Variants in NAALADL1 observed in about 807,000 individuals in gnomAD.
The protein encoded by NAALADL1 is aminopeptidase NAALADL1.
Under a neutral mutation model 82.8 loss-of-function variants are expected in NAALADL1, and 77 were observed. That is an observed-to-expected ratio of 0.93 (90% confidence interval 0.77 to 1.12). The LOEUF (loss-of-function observed/expected upper bound fraction) is 1.12. Ranked by LOEUF, NAALADL1 falls within the 50% of genes most tolerant of loss-of-function variation. The probability of loss-of-function intolerance (pLI) is 0.00; values close to 1 mark genes in which losing one functional copy is unlikely to be tolerated. For synonymous variants in NAALADL1, 358 were observed against 399.2 expected, an observed-to-expected ratio of 0.90 and a Z score of 1.23; for missense variants, 956 against 964.0, an observed-to-expected ratio of 0.99 and a Z score of 0.11.
At chr11:65,060,827 G>A (rs138759319), upstream of NAALADL1, among the ~76,000 whole-genome samples, 85 of 152,176 alleles carry the variant, frequency 5.6e-4, 1 homozygote, top group Middle Eastern at 6.8e-3. Flanking sequence ...AATAACTTAC[G>A]GTAGTTAGAG....
At position 65,057,895 on chromosome 11, in the gene NAALADL1, C is replaced by G. The variant is rs753057567; in HGVS notation, c.460G>C (p.Ala154Pro). 6.2e-7 allele frequency: 1 copy of G among 1,614,048 alleles called. No homozygotes were observed. Among genetic ancestry groups the G allele is most frequent in the Non-Finnish European group, 8.5e-7 (1 of 1,179,996 alleles). The change falls in exon 3 of 18, where the codon GCT becomes CCT. Residue 154 changes from alanine to proline, a missense_variant. By Grantham distance (27) the Ala-to-Pro change is conservative. Coordinates refer to ENST00000358658, the MANE Select transcript of NAALADL1 (RefSeq NM_005468.3). ...CCCACCTGTGGGGTTCCAGAAGGAG[C>G]ATAGGCAGCATAGGGTTGTACCACA... Reference protein sequence around the residue: ...PDVVQPYAAYAPSGTPQGLLV... With the variant: ...PDVVQPYAAYPPSGTPQGLLV...
chr11:65,054,263 A>G lies in NAALADL1; in HGVS notation c.979T>C (p.Phe327Leu). ...GCTGCATCTCACCTGTCTGCTGGGA[A>G]GTCTCCGTCAGGCCGGAAGCCGGGA... is the stretch of plus-strand genomic sequence containing the variant. ...LGPGFRPDGD[F>L]PADSQVNVSV... Residue 327 changes from phenylalanine (F) to leucine (L), a missense_variant, in exon 6 of 18, where the codon TTC (phenylalanine) becomes CTC (leucine). Phe to Leu is a conservative substitution (Grantham distance 22). Transcript: ENST00000358658. This position sits in a 1 kb window ranked among gnomAD's most constrained non-coding sequence, Gnocchi z 4.3. 1.2e-6 allele frequency: 2 copies of G among 1,613,982 alleles called. No homozygotes were observed. Among genetic ancestry groups the G allele is most frequent in the Non-Finnish European group, 1.7e-6 (2 of 1,179,920 alleles).
At chr11:65,058,697 C>T, upstream of NAALADL1, 1 of 622,962 alleles carries the variant, frequency 1.6e-6, no homozygotes, top group Admixed American at 3.3e-5. Flanking sequence ...ACATCCACCA[C>T]ATCCTGCACC....
intron 4 of NAALADL1, among the ~76,000 whole-genome samples, chr11:65,055,578 T>C (rs956511369): frequency 2.0e-5 from 3 of 152,214 alleles, no homozygotes; most frequent in Non-Finnish European, 2.9e-5. Flanking sequence ...AAATATCTTA[T>C]ACTTTCACTT....
chr11:65,051,241 C>T (rs1195605331), intron 8 of NAALADL1, among the ~76,000 whole-genome samples: 2 of 150,864 alleles, frequency 1.3e-5, no homozygotes, highest in African/African-American at 4.9e-5. Flanking sequence ...CTCAGCAACA[C>T]CTGTGGTTTC....
chr11:65,047,883 G>A, intron 11 of NAALADL1, 98 bp downstream of exon 11: 1 of 1,464,750 alleles, frequency 6.8e-7, no homozygotes, highest in Non-Finnish European at 9.2e-7. Flanking sequence ...CAGATCTAGA[G>A]AGTACCACTC....
In NAALADL1 at chr11:65,045,134, C is replaced by T; in HGVS notation, c.*137G>A. 4 of 990,022 alleles carry T rather than the reference C, an allele frequency of 4.0e-6. No homozygotes were observed. Among genetic ancestry groups the T allele is most frequent in the East Asian group, 5.3e-5 (2 of 37,772 alleles). 61.3% of individuals were successfully genotyped at this position (990,022 alleles called of 1,614,324 possible). A position where few individuals can be genotyped will look rare whatever the true frequency, so the allele number is the denominator to read the frequency against. On this transcript the variant is annotated 3_prime_UTR_variant, in exon 18 of 18. Transcript: ENST00000358658. ...AGGGCTTGCCACTCCCCTCAGGGACCTCAAGCTGTTGCCTGAGAAGCTTGA... is the reference window on the plus strand; with the variant it reads ...AGGGCTTGCCACTCCCCTCAGGGACTTCAAGCTGTTGCCTGAGAAGCTTGA...
chr11:65,047,381 G>A (rs1946758293), intron 13 of NAALADL1, 94 bp downstream of exon 13: 1 of 1,056,162 alleles, frequency 9.5e-7, no homozygotes, highest in African/African-American at 1.6e-5. Context: ...ATGAGTAAAG[G>A]TGCAGGGTTC....
upstream of NAALADL1, among the ~76,000 whole-genome samples, chr11:65,058,702 T>C (rs1332018778): frequency 6.6e-6 from 1 of 152,174 alleles, no homozygotes; most frequent in African/African-American, 2.4e-5. Flanking sequence ...CACCACATCC[T>C]GCACCATTTG....
rs1376607486 is a variant in NAALADL1 at position 65,045,424 on chromosome 11, T to G, written c.2070A>C (p.Val690=). 3.1e-6 allele frequency: 5 copies of G among 1,612,322 alleles called. No individual in the cohort carries two copies. Among genetic ancestry groups the G allele is most frequent in the Non-Finnish European group, 4.2e-6 (5 of 1,179,276 alleles). ...HVLWAPRTGS[V]VTFPGLSNAC... ...CATTGGATAGGCCCGGGAATGTGACTACGGAGCCCGTGCGAGGTGCCCAGA... is the reference window on the plus strand; with the variant it reads ...CATTGGATAGGCCCGGGAATGTGACGACGGAGCCCGTGCGAGGTGCCCAGA... Residue 690 remains valine (V), a synonymous_variant, in exon 18 of 18, where the codon GTA becomes GTC. Coordinates refer to ENST00000358658, the MANE Select transcript of NAALADL1 (RefSeq NM_005468.3).
At chr11:65,052,697 C>T (rs192225513) in intron 8 of NAALADL1, among the ~76,000 whole-genome samples, 1 of 152,250 alleles carries the variant, frequency 6.6e-6, no homozygotes, top group African/African-American at 2.4e-5. Flanking sequence ...GGACTGAACT[C>T]CAAACTCCTC....
chr11:65,054,589 C>T lies in NAALADL1; in HGVS notation c.753G>A (p.Glu251=). 8 of 1,613,804 alleles carry T rather than the reference C, an allele frequency of 5.0e-6. No individual in the cohort carries two copies. The highest frequency in any genetic ancestry group is 6.8e-6 in the Non-Finnish European group (8 of 1,179,816). Residue 251 remains glutamate (E), a synonymous_variant, in exon 5 of 18, where the codon GAG becomes GAA. Coordinates refer to ENST00000358658, the MANE Select transcript of NAALADL1 (RefSeq NM_005468.3). This position sits in a 1 kb window ranked among gnomAD's most constrained non-coding sequence, Gnocchi z 4.3. The stretch of plus-strand genomic sequence containing the variant: ...AGGGAGTCAGAGGGTCCCCAAAATA[C>T]TCGTAGTAGGAGCCTCGCTCCACTC... ...PSGVERGSYY[E]YFGDPLTPYL...
chr11:65,057,553 G>A, intron 3 of NAALADL1, 60 bp from the exon 4 acceptor site: 1 of 1,564,114 alleles, frequency 6.4e-7, no homozygotes, highest in African/African-American at 1.4e-5. Context: ...GTGGGGAAGG[G>A]GGGTGGAAGT....
Position 65,046,273 on chromosome 11 carries a change from C to G in NAALADL1, c.1771G>C (p.Asp591His). ...DSFFLPLKVS[D>H]YSETLRSFLQ... ...AAGCTGCGGAGTGTCTCACTGTAGT[C>G]ACTGACTTTGAGGGGCAGGAAGAAG... is the stretch of plus-strand genomic sequence containing the variant. The change falls in exon 15 of 18, where the codon GAC (aspartate) becomes CAC (histidine). Residue 591 changes from aspartate to histidine, a missense_variant. Transcript: ENST00000358658. The G allele has an allele frequency of 1.9e-6, 3 of 1,614,180 alleles. No individual in the cohort carries two copies. The highest frequency in any genetic ancestry group is 1.7e-6 in the Non-Finnish European group (2 of 1,180,040).
rs1234741289 is a variant in NAALADL1 at position 65,053,442 on chromosome 11, CCAGAG to C, written c.1078+44_1078+48del. ...CAGGGCTGGATGAGGACAGCGGCAT[CCAGAG>C]CAGAGCAGGGGCCTGGGGTGCAGGC... On this transcript the variant is annotated intron_variant, in intron 7 of 17. Coordinates refer to ENST00000358658, the MANE Select transcript of NAALADL1 (RefSeq NM_005468.3). This position sits in a 1 kb window ranked among gnomAD's most constrained non-coding sequence, Gnocchi z 4.3. 1 of 1,612,818 alleles carries C rather than the reference CCAGAG, an allele frequency of 6.2e-7. No homozygotes were observed. Among genetic ancestry groups the C allele is most frequent in the East Asian group, 2.2e-5 (1 of 44,868 alleles).
Position 65,048,068 on chromosome 11 carries a change from A to G in NAALADL1, c.1349-20T>C. The G allele has an allele frequency of 6.2e-7, 1 of 1,612,882 alleles. No individual in the cohort carries two copies. The highest frequency in any genetic ancestry group is 8.5e-7 in the Non-Finnish European group (1 of 1,179,662). On this transcript the variant is annotated intron_variant, in intron 10 of 17. Transcript: ENST00000358658. ...CGTTGGCTGTGGGAGGAGGGGAGAA[A>G]GACTATTTGGGCCCCAGCCCCTTCT...
At position 65,054,622 on chromosome 11, in the gene NAALADL1, G is replaced by A. The variant is rs755010654; in HGVS notation, c.720C>T (p.Pro240=). The change falls in exon 5 of 18, where the codon CCC becomes CCT. Residue 240 remains proline (P), a synonymous_variant. Transcript: ENST00000358658. This position sits in a 1 kb window ranked among gnomAD's most constrained non-coding sequence, Gnocchi z 4.3. ...AGGAGCCTCGCTCCACTCCTGAGGG[G>A]GGCAGGTACCAGGAGTTGGGAAAGG... ...DETFPNSWYL[P]PSGVERGSYY... The A allele has an allele frequency of 3.1e-6, 5 of 1,613,984 alleles. No homozygotes were observed. In the East Asian group the frequency reaches 8.9e-5, roughly 29 times the overall value.
rs910642387 is a variant in NAALADL1, at chr11:65,052,670, G to A, written c.1198+548C>T. Among the ~76,000 whole-genome samples the A allele has an allele frequency of 2.6e-5, 4 of 152,164 alleles. No individual in the cohort carries two copies. In the South Asian group the frequency reaches 6.2e-4, roughly 24 times the overall value. On this transcript the variant is annotated intron_variant, in intron 8 of 17. Transcript: ENST00000358658. Reference sequence around the variant, plus strand: ...CCTCTCCTGCGTGAAATCCTTCACCGGCTTCCCACAACCCTTGGACTGAAC... The same window carrying A: ...CCTCTCCTGCGTGAAATCCTTCACCAGCTTCCCACAACCCTTGGACTGAAC...
intron 4 of NAALADL1, among the ~76,000 whole-genome samples, chr11:65,056,621 G>C (rs1212773540): frequency 6.6e-6 from 1 of 151,870 alleles, no homozygotes; most frequent in Non-Finnish European, 1.5e-5. Flanking sequence ...TGCCCAGGCT[G>C]GTCTTGAACT....
Sources: allele counts gnomAD v4.1 joint callset (sites outside exome capture counted in the v4.1 genomes callset), GRCh38; gene constraint gnomAD v4.1.1; non-coding constraint Gnocchi (gnomAD v3.1); transcripts MANE v1.5; gene names NCBI Gene and HGNC (gene_info 2026-07-23, HGNC 2026-07-21).